Variants in DNAAF9 observed in about 807,000 individuals in gnomAD.
DNAAF9 encodes shulin.
A neutral mutation model predicts 167.0 loss-of-function variants in DNAAF9; 90 were observed. The observed-to-expected ratio is 0.54, with a 90% CI of 0.45 to 0.64. DNAAF9 has a LOEUF of 0.64. Among genes scored for constraint, DNAAF9 ranks in the 30% least tolerant of loss-of-function variants. The pLI is 0.00. For synonymous variants in DNAAF9, 491 were observed against 508.8 expected (o/e 0.96, Z 0.47); for missense variants, 1,315 against 1,442.2 (o/e 0.91, Z 1.43).
chr20:3,403,178 A>G (rs2084012608), intron 1 of DNAAF9, among the ~76,000 whole-genome samples: 2 of 151,968 alleles, frequency 1.3e-5, no homozygotes, highest in Non-Finnish European at 2.9e-5. Context: ...ATTCCCTTCC[A>G]CATTGCCACA....
Position 3,252,331 on chromosome 20 carries a change from G to A in DNAAF9, c.*241C>T, listed in dbSNP as rs1426887031. 3 of 389,800 alleles carry A rather than the reference G, an allele frequency of 7.7e-6. No individual in the cohort carries two copies. The highest frequency in any genetic ancestry group is 5.1e-5 in the East Asian group (1 of 19,612). 24.1% of individuals were successfully genotyped at this position (389,800 alleles called of 1,614,324 possible). ...TGGACTGCCAGTTGCACACGTAGAC[G>A]GGCAGGCCCCATCTGCTCATCCTTG... On this transcript the variant is annotated 3_prime_UTR_variant, in exon 37 of 37. Coordinates refer to ENST00000252032, the MANE Select transcript of DNAAF9 (RefSeq NM_001009984.3).
intron 15 of DNAAF9, among the ~76,000 whole-genome samples, 154 bp from the exon 16 acceptor site, chr20:3,322,416 G>C (rs2069632367): frequency 6.6e-6 from 1 of 152,154 alleles, no homozygotes; most frequent in South Asian, 2.1e-4. Flanking sequence ...CTGTAGAATT[G>C]GTATGTGGGC....
rs1600694811 is a variant in DNAAF9 at position 3,278,577 on chromosome 20, G to A, written c.2650+335C>T. 2.0e-5 allele frequency among the ~76,000 whole-genome samples: 3 copies of A among 152,232 alleles called. No individual in the cohort carries two copies. In the South Asian group the frequency reaches 6.2e-4, roughly 32 times the overall value. The stretch of plus-strand genomic sequence containing the variant: ...CTACTAAAAATACAAAAATTAGCTG[G>A]GTGTGGTGGTACATGCTTGTAATCC... On this transcript the variant is annotated intron_variant, in intron 29 of 36. Transcript: ENST00000252032.
At chr20:3,258,796 T>C (rs1454747572) in intron 33 of DNAAF9, among the ~76,000 whole-genome samples, 1 of 152,148 alleles carries the variant, frequency 6.6e-6, no homozygotes, top group Non-Finnish European at 1.5e-5. Context: ...TTCTCTGTGA[T>C]AACAGCTGAA....
At chr20:3,375,777 G>A (rs2083567374) in intron 4 of DNAAF9, among the ~76,000 whole-genome samples, 1 of 152,072 alleles carries the variant, frequency 6.6e-6, no homozygotes, top group African/African-American at 2.4e-5. Flanking sequence ...GAACCTGGGA[G>A]GTCGAGGTTG....
intron 29 of DNAAF9, among the ~76,000 whole-genome samples, chr20:3,271,901 G>A (rs1004121398): frequency 6.6e-6 from 1 of 152,200 alleles, no homozygotes; most frequent in East Asian, 1.9e-4. Context: ...TTACAGGTGT[G>A]AGCCACCGCA....
At chr20:3,277,749 G>A (rs897955528) in intron 29 of DNAAF9, among the ~76,000 whole-genome samples, 11 of 152,146 alleles carry the variant, frequency 7.2e-5, no homozygotes, top group African/African-American at 2.7e-4. Flanking sequence ...CTGAGGTGCA[G>A]TGCCTAGAAA....
intron 7 of DNAAF9, among the ~76,000 whole-genome samples, chr20:3,355,850 T>C (rs2083278581): frequency 6.6e-6 from 1 of 152,174 alleles, no homozygotes. Context: ...TCATTTTCTT[T>C]AGTTTCTTTT....
intron 4 of DNAAF9, among the ~76,000 whole-genome samples, chr20:3,375,936 G>A (rs1478334202): frequency 3.3e-5 from 5 of 151,950 alleles, no homozygotes; most frequent in African/African-American, 1.2e-4. Flanking sequence ...CAGGCAAAAA[G>A]TTAAGTTCAT....
intron 10 of DNAAF9, among the ~76,000 whole-genome samples, chr20:3,332,900 G>GGTGT (rs3082550): frequency 0.25 from 36,286 of 146,734 alleles, 4,837 homozygotes; most frequent in Middle Eastern, 0.38. Flanking sequence ...GTGTGCGTGT[G>GGTGT]GTGTGTGTGT....
At chr20:3,377,382 T>C (rs1425701007) in intron 3 of DNAAF9, among the ~76,000 whole-genome samples, 1 of 152,190 alleles carries the variant, frequency 6.6e-6, no homozygotes, top group African/African-American at 2.4e-5. Flanking sequence ...AATACTTAGA[T>C]TTCTTTCAGG....
chr20:3,345,866 C>T lies in DNAAF9; in HGVS notation c.790-2135G>A, dbSNP rs539561260. On this transcript the variant is annotated intron_variant, in intron 8 of 36. Coordinates refer to ENST00000252032, the MANE Select transcript of DNAAF9 (RefSeq NM_001009984.3). Reference sequence around the variant, plus strand: ...CTTAAAAACCAGGGCACACGGGAGGCGGAGGTTGCAGTGAGCCGAGATCGC... The same window carrying T: ...CTTAAAAACCAGGGCACACGGGAGGTGGAGGTTGCAGTGAGCCGAGATCGC... 1.6e-4 allele frequency among the ~76,000 whole-genome samples: 25 copies of T among 151,978 alleles called. No homozygotes were observed. The South Asian group carries it at 2.3e-3, about 14-fold the overall frequency.
Position 3,294,430 on chromosome 20 carries a change from A to G in DNAAF9, c.2120+98T>C, listed in dbSNP as rs2069026461. The G allele has an allele frequency of 2.9e-5, 25 of 861,028 alleles. 1 individual carries two copies. The South Asian group carries it at 3.4e-4, about 12-fold the overall frequency. The allele number at this position is 861,028 out of a possible 1,614,324, so 53.3% of individuals were successfully genotyped here. A position where few individuals can be genotyped will look rare whatever the true frequency, so the allele number is the denominator to read the frequency against. On this transcript the variant is annotated intron_variant, in intron 24 of 36. Transcript: ENST00000252032. ...GCGACATTTTACAGTGATCTCTAAG[A>G]AACTACAAGAAAAAGGAGCTTAAAA...
intron 29 of DNAAF9, among the ~76,000 whole-genome samples, chr20:3,277,342 C>T (rs542176897): frequency 6.6e-6 from 1 of 152,300 alleles, no homozygotes; most frequent in African/African-American, 2.4e-5. Flanking sequence ...ACACTCTTCC[C>T]TGCTTCTCTT....
chr20:3,367,927 A>G (rs918869825), intron 6 of DNAAF9, among the ~76,000 whole-genome samples: 7 of 151,280 alleles, frequency 4.6e-5, no homozygotes, highest in African/African-American at 7.3e-5. Context: ...AAAAAAAAAA[A>G]GCAATATCTA....
chr20:3,381,129 A>T (rs1457763574), intron 3 of DNAAF9, among the ~76,000 whole-genome samples: 1 of 152,256 alleles, frequency 6.6e-6, no homozygotes, highest in East Asian at 1.9e-4. Context: ...CCAAACAGAG[A>T]TAAAGCCAAA....
At chr20:3,362,256 T>G (rs1436779462) in intron 6 of DNAAF9, 1 of 1,337,380 alleles carries the variant, frequency 7.5e-7, no homozygotes, top group Non-Finnish European at 1.1e-6. Flanking sequence ...CTTTCTGGCT[T>G]TCTTCGAGTT....
intron 30 of DNAAF9, among the ~76,000 whole-genome samples, chr20:3,265,763 C>T (rs921480059): frequency 7.2e-5 from 10 of 139,798 alleles, no homozygotes; most frequent in Non-Finnish European, 4.7e-5. Flanking sequence ...CTGCAACCTC[C>T]GCCTCCTGAG....
chr20:3,350,767 A>C (rs6037566), intron 7 of DNAAF9, among the ~76,000 whole-genome samples: 38,053 of 152,084 alleles, frequency 0.25, 5,359 homozygotes, highest in African/African-American at 0.37. Flanking sequence ...AAATTGTGAA[A>C]CAACTTGAAG....
Sources: gnomAD v4.1 joint callset for allele counts (sites outside exome capture counted in the v4.1 genomes callset) on GRCh38, gnomAD v4.1.1 for gene constraint, MANE v1.5 for transcripts, NCBI Gene and HGNC (gene_info 2026-07-23, HGNC 2026-07-21) for gene names.